CYP2C8: variants seen among roughly 807,000 people sequenced by gnomAD.
The protein encoded by CYP2C8 is cytochrome P450 family 2 subfamily C member 8.
CYP2C8 carries 51 observed loss-of-function variants against 41.3 expected under a neutral mutation model. That is an observed-to-expected ratio of 1.24 (90% CI 0.99 to 1.56). The LOEUF (loss-of-function observed/expected upper bound fraction) is 1.56. Among genes scored for constraint, CYP2C8 ranks in the 40% most tolerant of loss-of-function variants. The pLI is 0.00. For missense variants in CYP2C8, 651 were observed against 579.9 expected (o/e 1.12, Z -1.26); for synonymous variants, 218 against 205.8 (o/e 1.06, Z -0.51).
chr10:95,054,896 G>A (rs1185465153), intron 5 of CYP2C8, among the ~76,000 whole-genome samples: 1 of 152,008 alleles, frequency 6.6e-6, no homozygotes, highest in African/African-American at 2.4e-5. Context: ...AAAATAAGGA[G>A]TATCTAAATA....
chr10:95,047,714 G>A (rs1398214655), intron 5 of CYP2C8, among the ~76,000 whole-genome samples: 1 of 152,146 alleles, frequency 6.6e-6, no homozygotes, highest in Non-Finnish European at 1.5e-5. Flanking sequence ...CCAAGGCCAA[G>A]GGACTAATCG....
chr10:95,058,113 ATTATTT>A (rs957388174), intron 5 of CYP2C8, among the ~76,000 whole-genome samples: 2 of 151,992 alleles, frequency 1.3e-5, no homozygotes, highest in African/African-American at 4.8e-5. Context: ...ACTCATGTAG[ATTATTT>A]TTATTTCAAG....
In CYP2C8 at chr10:95,067,616, C is replaced by T. The variant is rs17851796; in HGVS notation, c.244G>A (p.Ala82Thr). ...TTATCAATCAGGGCTTCCTTCACTGCCTCATATCCATGAAACACCACTATG... is the reference window on the plus strand; with the variant it reads ...TTATCAATCAGGGCTTCCTTCACTGTCTCATATCCATGAAACACCACTATG... ...NPIVVFHGYE[A>T]VKEALIDNGE... Residue 82 changes from alanine (A) to threonine (T), a missense_variant, in exon 2 of 9, where the codon GCA (alanine) becomes ACA (threonine). Transcript: ENST00000371270. 4.7e-5 allele frequency: 76 copies of T among 1,614,130 alleles called. No homozygotes were observed. Among genetic ancestry groups the T allele is most frequent in the Non-Finnish European group, 6.1e-5 (72 of 1,179,980 alleles).
At chr10:95,044,405 A>G (rs1446658453) in intron 6 of CYP2C8, among the ~76,000 whole-genome samples, 3 of 152,166 alleles carry the variant, frequency 2.0e-5, no homozygotes, top group African/African-American at 7.2e-5. Context: ...CTGAAATTCC[A>G]TGACTTTGTG....
rs1156638250 is a variant in CYP2C8, at chr10:95,038,957, G to A, written c.1231C>T (p.His411Tyr). ...FPNPNIFDPG[H>Y]FLDKNGNFKK... ...AAGTTGCCATTCTTATCTAGAAAGT[G>A]GCCAGGGTCAAAGATATTTGGATTA... The change falls in exon 8 of 9, where the codon CAC becomes TAC. Residue 411 changes from histidine (H) to tyrosine (Y), a missense_variant. Physicochemically the swap from His to Tyr is moderately conservative, Grantham distance 83. Transcript: ENST00000371270. 1 of 1,613,820 alleles carries A rather than the reference G, an allele frequency of 6.2e-7. No individual in the cohort carries two copies. The highest frequency in any genetic ancestry group is 8.5e-7 in the Non-Finnish European group (1 of 1,179,692).
Position 95,065,034 on chromosome 10 carries a change from A to T in CYP2C8, c.482-74T>A, listed in dbSNP as rs888081008. On this transcript the variant is annotated intron_variant, in intron 3 of 8. Coordinates refer to ENST00000371270, the MANE Select transcript of CYP2C8 (RefSeq NM_000770.3). ...AAAGATTTGCATTTGTTAAGACATA[A>T]AGGAAATTTAGAAATTTTAAACAAT... The T allele has an allele frequency of 1.1e-5, 14 of 1,256,456 alleles. No homozygotes were observed. In the Admixed American group the frequency reaches 2.7e-4, roughly 25 times the overall value. 77.8% of individuals were successfully genotyped at this position (1,256,456 alleles called of 1,614,324 possible). A position where few individuals can be genotyped will look rare whatever the true frequency, so the allele number is the denominator to read the frequency against.
Position 95,064,852 on chromosome 10 carries a change from A to C in CYP2C8, c.590T>G (p.Leu197Arg). ...GAAGTTTTCATTGAATCTTTTCATC[A>C]GGGTGAGAAAATTCTGATCTTTATA... The part of the protein sequence containing the change: ...FDYKDQNFLT[L>R]MKRFNENFRI... The change falls in exon 4 of 9, where the codon CTG becomes CGG. Residue 197 changes from leucine (L) to arginine (R), a missense_variant. Transcript: ENST00000371270. The C allele has an allele frequency of 6.2e-7, 1 of 1,613,908 alleles. No individual in the cohort carries two copies. Among genetic ancestry groups the C allele is most frequent in the Non-Finnish European group, 8.5e-7 (1 of 1,179,984 alleles).
intron 7 of CYP2C8, among the ~76,000 whole-genome samples, chr10:95,041,745 C>T (rs2033000821): frequency 7.0e-6 from 1 of 142,742 alleles, no homozygotes; most frequent in Non-Finnish European, 1.5e-5. Context: ...TGCGCCACTG[C>T]AGTCCGCAGT....
Position 95,045,982 on chromosome 10 carries a change from A to G in CYP2C8, c.820-31T>C, listed in dbSNP as rs376166716. ...AGTGATTTCATGCAATTATCTGACAAATTATGTGCCAGTATATCTAAATAC... is the reference window on the plus strand; with the variant it reads ...AGTGATTTCATGCAATTATCTGACAGATTATGTGCCAGTATATCTAAATAC... On this transcript the variant is annotated intron_variant, in intron 5 of 8. Transcript: ENST00000371270. The G allele has an allele frequency of 2.5e-6, 4 of 1,612,624 alleles. No homozygotes were observed. The African/African-American group carries it at 5.3e-5, about 22-fold the overall frequency.
At chr10:95,068,000 GCAGATTCATTCT>G (rs1185442332) in intron 1 of CYP2C8, among the ~76,000 whole-genome samples, 3 of 152,148 alleles carry the variant, frequency 2.0e-5, no homozygotes, top group Admixed American at 2.0e-4. Flanking sequence ...CCAGAGAATT[GCAGATTCATTCT>G]CAGAGTCCCA....
At chr10:95,066,305 T>A (rs959379235) in intron 3 of CYP2C8, among the ~76,000 whole-genome samples, 1 of 151,930 alleles carries the variant, frequency 6.6e-6, no homozygotes, top group Non-Finnish European at 1.5e-5. Flanking sequence ...AACAAGCACT[T>A]CATAGGTGAG....
intron 5 of CYP2C8, among the ~76,000 whole-genome samples, chr10:95,050,767 A>G (rs2033198176): frequency 1.3e-5 from 2 of 152,152 alleles, no homozygotes; most frequent in Admixed American, 1.3e-4. Context: ...CTCATTTCCC[A>G]TTTATTAAAA....
intron 4 of CYP2C8, among the ~76,000 whole-genome samples, chr10:95,064,430 G>T (rs11572096): frequency 0.048 from 7,232 of 152,146 alleles, 182 homozygotes; most frequent in Middle Eastern, 0.11. Flanking sequence ...CTCCAAGCCA[G>T]GTGCAGGATA....
intron 8 of CYP2C8, 22 bp downstream of exon 8, chr10:95,038,875 A>G: frequency 6.2e-7 from 1 of 1,613,008 alleles, no homozygotes; most frequent in Non-Finnish European, 8.5e-7. Flanking sequence ...TTTAAATACA[A>G]ATGGAAACGA....
chr10:95,044,614 C>T (rs375390918), intron 6 of CYP2C8, among the ~76,000 whole-genome samples: 5 of 149,274 alleles, frequency 3.3e-5, no homozygotes, highest in Admixed American at 1.3e-4. Flanking sequence ...TTTCTCAAAC[C>T]TTTTTTTTTT....
chr10:95,069,303 TG>T lies in CYP2C8; in HGVS notation c.99del (p.Thr34LeufsTer12). ...ATATTTCCAATAATAGGAAGAGGAG[TG>T]GGGCCAGGAGGGAGCTTCCTTCTCC... Reference protein sequence around the residue: ...SCRRRKLPPGPTPLPIIGNML... With the variant: ...SCRRRKLPPGXTPLPIIGNML... On this transcript the variant is annotated frameshift_variant, in exon 1 of 9. Transcript: ENST00000371270. LOFTEE classifies it high-confidence loss of function. 6.2e-7 allele frequency: 1 copy of T among 1,613,700 alleles called. No homozygotes were observed. The highest frequency in any genetic ancestry group is 8.5e-7 in the Non-Finnish European group (1 of 1,179,898).
intron 5 of CYP2C8, among the ~76,000 whole-genome samples, chr10:95,048,602 G>A (rs914073359): frequency 6.6e-6 from 1 of 152,186 alleles, no homozygotes; most frequent in Non-Finnish European, 1.5e-5. Context: ...GGTGTTAGCT[G>A]AGATACGATA....
At position 95,058,402 on chromosome 10, in the gene CYP2C8, T is replaced by A. The variant is rs747718644; in HGVS notation, c.752A>T (p.His251Leu). The A allele has an allele frequency of 4.3e-6, 7 of 1,613,574 alleles. No homozygotes were observed. Among genetic ancestry groups the A allele is most frequent in the Non-Finnish European group, 5.9e-6 (7 of 1,179,712 alleles). ...RSYIREKVKE[H>L]QASLDVNNPR... ...ATTGTTAACATCCAGTGATGCTTGGTGTTCTTTTACTTTCTCCCTAATGTA... is the reference window on the plus strand; with the variant it reads ...ATTGTTAACATCCAGTGATGCTTGGAGTTCTTTTACTTTCTCCCTAATGTA... The change falls in exon 5 of 9, where the codon CAC becomes CTC. Residue 251 changes from histidine to leucine, a missense_variant. His to Leu is a moderately conservative substitution (Grantham distance 99). Transcript: ENST00000371270.
intron 4 of CYP2C8, among the ~76,000 whole-genome samples, chr10:95,063,341 T>C (rs2033482527): frequency 6.6e-6 from 1 of 152,226 alleles, no homozygotes; most frequent in Non-Finnish European, 1.5e-5. Context: ...TGCATTTCTT[T>C]TTATTCTTTT....
Sources: allele counts gnomAD v4.1 joint callset (sites outside exome capture counted in the v4.1 genomes callset), GRCh38; gene constraint gnomAD v4.1.1; transcripts MANE v1.5; gene names NCBI Gene and HGNC (gene_info 2026-07-23, HGNC 2026-07-21).